Variants in ASTN2 observed in about 807,000 individuals in gnomAD.
ASTN2 encodes astrotactin 2, also known as astrotactin-2.
ASTN2 carries 54 observed loss-of-function variants against 139.8 expected under a neutral mutation model. The observed-to-expected ratio is 0.39, with a 90% confidence interval of 0.31 to 0.48. The LOEUF is 0.48. ASTN2 is among the 20% of genes least tolerant of loss of function. The probability of loss-of-function intolerance (pLI) is 0.95; values close to 1 mark genes in which losing one functional copy is unlikely to be tolerated. For missense variants in ASTN2, 1,565 were observed against 1,725.1 expected (o/e 0.91, Z 1.64); for synonymous variants, 756 against 719.5 (o/e 1.05, Z -0.81).
intron 20 of ASTN2, among the ~76,000 whole-genome samples, chr9:116,457,587 G>T (rs1325227172): frequency 1.3e-5 from 2 of 152,016 alleles, no homozygotes; most frequent in African/African-American, 4.8e-5. Flanking sequence ...TGGCAAACAG[G>T]TATATAAGTA....
At chr9:116,512,821 C>T (rs140030193) in intron 19 of ASTN2, among the ~76,000 whole-genome samples, 1,587 of 152,254 alleles carry the variant, frequency 0.01, 8 homozygotes, top group Non-Finnish European at 0.014. Context: ...TCTAGGATTG[C>T]AACCCCTGTC....
At chr9:116,917,052 G>A (rs939015967) in intron 10 of ASTN2, among the ~76,000 whole-genome samples, 2 of 151,788 alleles carry the variant, frequency 1.3e-5, no homozygotes, top group African/African-American at 4.8e-5. Context: ...GGACTCCTGT[G>A]GATTGCAAAG....
intron 20 of ASTN2, among the ~76,000 whole-genome samples, chr9:116,448,931 C>G (rs1848089320): frequency 6.6e-6 from 1 of 152,184 alleles, no homozygotes; most frequent in Admixed American, 6.5e-5. Context: ...CTGAACCCAG[C>G]TCCACTCAAG....
At chr9:117,302,801 G>T (rs1408450326) in intron 1 of ASTN2, among the ~76,000 whole-genome samples, 2 of 152,142 alleles carry the variant, frequency 1.3e-5, no homozygotes, top group African/African-American at 4.8e-5. Context: ...AAGTCCAACA[G>T]CTATTTGCAG....
At chr9:116,936,906 C>A (rs1835098387) in intron 10 of ASTN2, among the ~76,000 whole-genome samples, 1 of 152,164 alleles carries the variant, frequency 6.6e-6, no homozygotes, top group Non-Finnish European at 1.5e-5. Flanking sequence ...AGGGGCTGGA[C>A]AAATTGTTAG....
At chr9:117,340,530 T>G (rs745344966) in intron 1 of ASTN2, among the ~76,000 whole-genome samples, 1 of 151,816 alleles carries the variant, frequency 6.6e-6, no homozygotes, top group Non-Finnish European at 1.5e-5. Context: ...CGCTAAGACC[T>G]GTGGGGGGAA....
At chr9:116,959,644 A>G (rs999966227) in intron 10 of ASTN2, among the ~76,000 whole-genome samples, 15 of 152,116 alleles carry the variant, frequency 9.9e-5, no homozygotes, top group African/African-American at 3.1e-4. Flanking sequence ...AGTTGTCACC[A>G]TAACTCCCAG....
chr9:117,341,930 G>A (rs1396673905), intron 1 of ASTN2, among the ~76,000 whole-genome samples: 1 of 152,150 alleles, frequency 6.6e-6, no homozygotes, highest in Non-Finnish European at 1.5e-5. Flanking sequence ...TTGCTTGAGT[G>A]CACCCTTCAT....
At chr9:117,208,720 A>C (rs1832020397) in intron 3 of ASTN2, among the ~76,000 whole-genome samples, 1 of 152,190 alleles carries the variant, frequency 6.6e-6, no homozygotes, top group Non-Finnish European at 1.5e-5. Context: ...CAAAAAAAAT[A>C]AATAAACAAA....
chr9:116,656,098 G>A (rs1323137509), intron 16 of ASTN2, among the ~76,000 whole-genome samples: 1 of 152,090 alleles, frequency 6.6e-6, no homozygotes, highest in Non-Finnish European at 1.5e-5. Flanking sequence ...TCTCGAGATT[G>A]TAAACTACAT....
intron 4 of ASTN2, among the ~76,000 whole-genome samples, chr9:117,098,145 T>C (rs13298737): frequency 0.19 from 28,725 of 152,130 alleles, 3,065 homozygotes; most frequent in East Asian, 0.31. Flanking sequence ...AAACCACTCA[T>C]GAGCGAACCC....
At chr9:116,894,249 G>T (rs1203497823) in intron 10 of ASTN2, among the ~76,000 whole-genome samples, 1 of 152,142 alleles carries the variant, frequency 6.6e-6, no homozygotes, top group Admixed American at 6.6e-5. Flanking sequence ...CAAAGGAAGT[G>T]GTAGGTAGGG....
chr9:117,087,570 C>T lies in ASTN2; in HGVS notation c.1276+8474G>A, dbSNP rs114692484. Among the ~76,000 whole-genome samples the T allele has an allele frequency of 5.5e-3, 842 of 152,192 alleles. 4 individuals carry two copies. Among genetic ancestry groups the T allele is most frequent in the South Asian group, 0.019 (94 of 4,824 alleles). ...AGGCAGATTAATTTTCAAGCTGGTA[C>T]ATTAGAAAGAGGACCTGGAGCCTGT... On this transcript the variant is annotated intron_variant, in intron 5 of 22. Transcript: ENST00000313400.
chr9:116,807,535 T>G (rs776762219), intron 12 of ASTN2, among the ~76,000 whole-genome samples: 4 of 152,224 alleles, frequency 2.6e-5, no homozygotes, highest in Non-Finnish European at 5.9e-5. Context: ...TCTCAGAGCC[T>G]TGGTAAAGTA....
intron 1 of ASTN2, among the ~76,000 whole-genome samples, chr9:117,389,548 C>T (rs191170081): frequency 6.6e-6 from 1 of 152,196 alleles, no homozygotes; most frequent in East Asian, 1.9e-4. Flanking sequence ...GTATGGGCAC[C>T]CTTTGTCTTA....
At chr9:116,997,335 A>G (rs959103162) in intron 7 of ASTN2, among the ~76,000 whole-genome samples, 1 of 152,196 alleles carries the variant, frequency 6.6e-6, no homozygotes, top group African/African-American at 2.4e-5. Flanking sequence ...ATAACATTTT[A>G]CAACACATTT....
chr9:116,785,617 C>T (rs1262558428), intron 13 of ASTN2, among the ~76,000 whole-genome samples: 8 of 152,182 alleles, frequency 5.3e-5, no homozygotes, highest in East Asian at 1.9e-4. Flanking sequence ...TTCCTGTCTC[C>T]ATCAATGGCA....
chr9:116,632,241 G>GAA, intron 17 of ASTN2, among the ~76,000 whole-genome samples: 1 of 137,462 alleles, frequency 7.3e-6, no homozygotes, highest in South Asian at 2.5e-4. Context: ...AAGAAAGAAA[G>GAA]AAAGAAAGAA....
chr9:116,562,411 AG>A (rs1757610192), intron 19 of ASTN2: 1 of 152,100 alleles, frequency 6.6e-6, no homozygotes, highest in Non-Finnish European at 1.5e-5. Flanking sequence ...GATCAGGTTA[AG>A]GAGAGGTGAG....
Sources: gnomAD v4.1 joint callset for allele counts (sites outside exome capture counted in the v4.1 genomes callset) on GRCh38, gnomAD v4.1.1 for gene constraint, MANE v1.5 for transcripts, NCBI Gene and HGNC (gene_info 2026-07-23, HGNC 2026-07-21) for gene names.